SYNE1: variants seen among roughly 807,000 people sequenced by gnomAD.
SYNE1 encodes nesprin-1.
SYNE1 carries 616 observed loss-of-function variants against 1,111.0 expected under a neutral mutation model. That is an observed-to-expected ratio of 0.55 (90% CI 0.52 to 0.59). SYNE1 has a LOEUF of 0.59. Among genes scored for constraint, SYNE1 ranks in the 20% least tolerant of loss-of-function variants. The probability of loss-of-function intolerance (pLI) is 0.00; values close to 1 mark genes in which losing one functional copy is unlikely to be tolerated. For synonymous variants in SYNE1, 3,855 were observed against 3,825.8 expected, an observed-to-expected ratio of 1.01 and a Z score of -0.28; for missense variants, 10,006 against 10,417.0, an observed-to-expected ratio of 0.96 and a Z score of 1.72.
At chr6:152,382,286 A>G (rs2097432899) in intron 55 of SYNE1, among the ~76,000 whole-genome samples, 1 of 152,216 alleles carries the variant, frequency 6.6e-6, no homozygotes, top group Non-Finnish European at 1.5e-5. Flanking sequence ...GAAATAAAAG[A>G]TAATCAGGCA....
At position 152,367,343 on chromosome 6, in the gene SYNE1, T is replaced by A. The variant is rs745707616; in HGVS notation, c.9847A>T (p.Asn3283Tyr). The change falls in exon 62 of 146, where the codon AAT (asparagine) becomes TAT (tyrosine). Residue 3283 changes from asparagine (N) to tyrosine (Y), a missense_variant. Transcript: ENST00000367255. Reference sequence around the variant, plus strand: ...TCTTTAATCCCAAGAGAGAACTGATTGTGTTCTGCAACGATTCTATCCAGT... The same window carrying A: ...TCTTTAATCCCAAGAGAGAACTGATAGTGTTCTGCAACGATTCTATCCAGT... ...SRLDRIVAEH[N>Y]QFSLGIKELQ... The A allele has an allele frequency of 1.2e-6, 2 of 1,614,194 alleles. No individual in the cohort carries two copies. Among genetic ancestry groups the A allele is most frequent in the Non-Finnish European group, 1.7e-6 (2 of 1,180,034 alleles).
chr6:152,534,046 C>A (rs1220201735), intron 4 of SYNE1, among the ~76,000 whole-genome samples: 1 of 151,894 alleles, frequency 6.6e-6, no homozygotes, highest in Admixed American at 6.6e-5. Flanking sequence ...GTAATCCCAG[C>A]TACTCAGGAG....
intron 121 of SYNE1, among the ~76,000 whole-genome samples, chr6:152,216,262 C>T (rs913232257): frequency 6.6e-6 from 1 of 152,176 alleles, no homozygotes; most frequent in Non-Finnish European, 1.5e-5. Context: ...ATGACACAGT[C>T]CTTCCCCTCG....
At chr6:152,346,012 A>G (rs2096623109) in intron 73 of SYNE1, among the ~76,000 whole-genome samples, 1 of 152,238 alleles carries the variant, frequency 6.6e-6, no homozygotes, top group Non-Finnish European at 1.5e-5. Context: ...TGTGAAAAAT[A>G]TGAAATAAAT....
chr6:152,625,810 C>A (rs2099684543), intron 3 of SYNE1, among the ~76,000 whole-genome samples: 1 of 152,166 alleles, frequency 6.6e-6, no homozygotes. Flanking sequence ...TCAGGCTGTG[C>A]CTTCTCATCC....
rs557813428 is a variant in SYNE1, at chr6:152,578,167, A to G, written c.68-38146T>C. ...AACTTTATATTTTTTTCACTTTTCA[A>G]AAAGTTTTTAAATTATGAAATATTT... On this transcript the variant is annotated intron_variant, in intron 3 of 145. Coordinates refer to ENST00000367255, the MANE Select transcript of SYNE1 (RefSeq NM_182961.4). 6.6e-5 allele frequency among the ~76,000 whole-genome samples: 10 copies of G among 152,324 alleles called. No individual in the cohort carries two copies. In the South Asian group the frequency reaches 1.9e-3, roughly 28 times the overall value.
intron 6 of SYNE1, chr6:152,511,487 AAGTTTGTTACCAAAT>A: frequency 7.9e-7 from 1 of 1,267,304 alleles, no homozygotes; most frequent in East Asian, 2.3e-5. Context: ...ACTTACTTTG[AAGTTTGTTACCAAAT>A]AGCAGGTAAC....
intron 127 of SYNE1, among the ~76,000 whole-genome samples, chr6:152,192,722 T>C (rs1310304756): frequency 2.0e-5 from 3 of 152,072 alleles, no homozygotes; most frequent in Non-Finnish European, 4.4e-5. Context: ...TATATATTTA[T>C]CTGGGTGGTC....
At chr6:152,606,816 T>A (rs1314441504) in intron 3 of SYNE1, among the ~76,000 whole-genome samples, 2 of 143,738 alleles carry the variant, frequency 1.4e-5, no homozygotes, top group Admixed American at 7.0e-5. Flanking sequence ...CCCGGCTAAA[T>A]TTTTTTTTTA....
chr6:152,279,788 T>C (rs1433351873), intron 97 of SYNE1, among the ~76,000 whole-genome samples: 1 of 151,996 alleles, frequency 6.6e-6, no homozygotes, highest in Non-Finnish European at 1.5e-5. Flanking sequence ...GTAATACTTT[T>C]ATTAAAATAG....
At chr6:152,246,352 A>C (rs77241339) in intron 105 of SYNE1, among the ~76,000 whole-genome samples, 2 of 152,122 alleles carry the variant, frequency 1.3e-5, no homozygotes, top group African/African-American at 4.8e-5. Flanking sequence ...CAAAAAAAAA[A>C]CCATTAATAT....
chr6:152,484,928 C>A lies in SYNE1; in HGVS notation c.1092G>T (p.Gln364His). ...FRVQYEMKRK[Q>H]IEHLIQPLHR... The stretch of plus-strand genomic sequence containing the variant: ...GTAATGGTTGTATTAAATGTTCAAT[C>A]TGTTTCCTCTTCATTTCATATTGAA... The change falls in exon 13 of 146, where the codon CAG becomes CAT. Residue 364 changes from glutamine to histidine, a missense_variant. Physicochemically the swap from Gln to His is conservative, Grantham distance 24. Around this residue, in one of 7 missense-constraint regions of SYNE1, gnomAD observed 1,971 missense variants for 2,084.1 expected, o/e 0.95. Coordinates refer to ENST00000367255, the MANE Select transcript of SYNE1 (RefSeq NM_182961.4). 1 of 1,613,412 alleles carries A rather than the reference C, an allele frequency of 6.2e-7. No homozygotes were observed. The highest frequency in any genetic ancestry group is 8.5e-7 in the Non-Finnish European group (1 of 1,179,758).
At chr6:152,378,192 A>ACAGTAG (rs1414938521) in intron 56 of SYNE1, among the ~76,000 whole-genome samples, 2 of 152,352 alleles carry the variant, frequency 1.3e-5, no homozygotes, top group East Asian at 3.9e-4. Flanking sequence ...ACTGTGGATA[A>ACAGTAG]CAGTAGCACT....
intron 115 of SYNE1, 71 bp from the exon 116 acceptor site, chr6:152,225,947 C>T: frequency 6.7e-7 from 1 of 1,499,204 alleles, no homozygotes. Context: ...GAAATTGGGC[C>T]ATTATAGTTT....
At chr6:152,405,871 A>G (rs961037026) in intron 45 of SYNE1, among the ~76,000 whole-genome samples, 3 of 152,216 alleles carry the variant, frequency 2.0e-5, no homozygotes, top group East Asian at 3.9e-4. Flanking sequence ...CAAATAAGTT[A>G]GGTAATGCAA....
At chr6:152,417,236 C>T (rs1007198163) in intron 40 of SYNE1, among the ~76,000 whole-genome samples, 4 of 152,316 alleles carry the variant, frequency 2.6e-5, no homozygotes, top group Admixed American at 1.3e-4. Flanking sequence ...CGGTGGCTCA[C>T]GCCTGTAATC....
At chr6:152,582,637 A>T (rs1374931990) in intron 3 of SYNE1, among the ~76,000 whole-genome samples, 1 of 151,948 alleles carries the variant, frequency 6.6e-6, no homozygotes, top group Non-Finnish European at 1.5e-5. Flanking sequence ...TTGTCACAAG[A>T]GAATATAAGG....
At chr6:152,247,760 C>T (rs536243424) in intron 105 of SYNE1, among the ~76,000 whole-genome samples, 2,100 of 143,510 alleles carry the variant, frequency 0.015, 46 homozygotes, top group African/African-American at 0.052. Flanking sequence ...TACACACACA[C>T]ACACACACAC....
At chr6:152,637,037 C>T (rs2099706954) in intron 1 of SYNE1, among the ~76,000 whole-genome samples, 152 bp downstream of exon 1, 1 of 152,174 alleles carries the variant, frequency 6.6e-6, no homozygotes, top group African/African-American at 2.4e-5. Context: ...GTCGCCCAGG[C>T]CGGTTCAGCC....
Sources: gnomAD v4.1 joint callset for allele counts (sites outside exome capture counted in the v4.1 genomes callset) on GRCh38, gnomAD v4.1.1 for gene constraint, gnomAD v4.1.1 regional missense constraint, MANE v1.5 for transcripts, NCBI Gene and HGNC (gene_info 2026-07-23, HGNC 2026-07-21) for gene names.